Variants in SWT1 observed in about 807,000 individuals in gnomAD.
SWT1 encodes the protein transcriptional protein SWT1.
A neutral mutation model predicts 107.3 loss-of-function variants in SWT1; 33 were observed. That is an observed-to-expected ratio of 0.31 (90% CI 0.23 to 0.41). The LOEUF is 0.41. Ranked by LOEUF, SWT1 falls within the 10% of genes least tolerant of loss-of-function variation. The pLI is 1.00. For missense variants in SWT1, 898 were observed against 1,028.9 expected (o/e 0.87, Z 1.74); for synonymous variants, 345 against 348.3 (o/e 0.99, Z 0.11).
chr1:185,273,448 AT>A (rs1255392518), intron 17 of SWT1, among the ~76,000 whole-genome samples: 9 of 151,776 alleles, frequency 5.9e-5, no homozygotes, highest in African/African-American at 1.9e-4. Context: ...CATGCCTGTA[AT>A]CCCAGCACTT....
chr1:185,255,947 C>T (rs1323210954), intron 16 of SWT1, among the ~76,000 whole-genome samples: 5 of 151,774 alleles, frequency 3.3e-5, no homozygotes, highest in Admixed American at 3.3e-4. Context: ...TTTAGCGCTT[C>T]CTTCAGGAGC....
chr1:185,160,992 A>T (rs1654098010), intron 2 of SWT1, 67 bp downstream of exon 2: 6 of 1,099,594 alleles, frequency 5.5e-6, no homozygotes, highest in Non-Finnish European at 8.1e-6. Flanking sequence ...AAAAAAATAC[A>T]CCTTACTATT....
chr1:185,224,612 T>C (rs1360694254), intron 15 of SWT1, among the ~76,000 whole-genome samples: 1 of 152,232 alleles, frequency 6.6e-6, no homozygotes, highest in Non-Finnish European at 1.5e-5. Flanking sequence ...TACATGAACA[T>C]GAGATATCTT....
chr1:185,259,472 T>C (rs1041015140), intron 16 of SWT1, among the ~76,000 whole-genome samples: 1 of 152,168 alleles, frequency 6.6e-6, no homozygotes, highest in Non-Finnish European at 1.5e-5. Flanking sequence ...ACCAGTTTAC[T>C]GAGAACTTAG....
intron 16 of SWT1, among the ~76,000 whole-genome samples, chr1:185,261,678 T>C (rs992209814): frequency 2.0e-5 from 3 of 151,588 alleles, no homozygotes; most frequent in Non-Finnish European, 2.9e-5. Context: ...TTCTGCTTTT[T>C]TTTTTTTTTT....
chr1:185,221,131 T>C (rs1343610556), intron 14 of SWT1, among the ~76,000 whole-genome samples: 2 of 152,202 alleles, frequency 1.3e-5, no homozygotes, highest in Non-Finnish European at 2.9e-5. Flanking sequence ...TTTGTATCAT[T>C]CTTCTAACAC....
chr1:185,180,314 G>C lies in SWT1; in HGVS notation c.967-77G>C, dbSNP rs1289334239. On this transcript the variant is annotated intron_variant, in intron 5 of 18. Coordinates refer to ENST00000367500, the MANE Select transcript of SWT1 (RefSeq NM_017673.7). ...CTAAAGTGAATTATCTGACCCTGAA[G>C]GTTAATAGTGACAAGGTTGAAAAAC... 1.3e-5 allele frequency: 15 copies of C among 1,163,064 alleles called. No individual in the cohort carries two copies. The East Asian group carries it at 2.8e-4, about 22-fold the overall frequency. The allele number at this position is 1,163,064 out of a possible 1,614,324, so 72.0% of individuals were successfully genotyped here.
chr1:185,162,516 A>G (rs1207024823), intron 2 of SWT1, among the ~76,000 whole-genome samples: 1 of 151,994 alleles, frequency 6.6e-6, no homozygotes, highest in Admixed American at 6.6e-5. Context: ...TAAAACTGTA[A>G]TCTTTCAGGT....
chr1:185,231,397 A>G (rs1660495160), intron 15 of SWT1, among the ~76,000 whole-genome samples, 180 bp from the exon 16 acceptor site: 1 of 152,206 alleles, frequency 6.6e-6, no homozygotes, highest in Admixed American at 6.5e-5. Flanking sequence ...GATCCTTTAC[A>G]TGAATCTTAT....
At position 185,290,717 on chromosome 1, in the gene SWT1, T is replaced by G; in HGVS notation, c.2617T>G (p.Tyr873Asp). The G allele has an allele frequency of 6.2e-7, 1 of 1,604,728 alleles. No homozygotes were observed. The highest frequency in any genetic ancestry group is 8.5e-7 in the Non-Finnish European group (1 of 1,174,206). ...IGCRQLVEME[Y>D]TMQQCNASVY... ...ATGCCGCCAGCTGGTTGAGATGGAA[T>G]ATACCATGCAGCAGTGCAATGCATC... The change falls in exon 19 of 19, where the codon TAT becomes GAT. Residue 873 changes from tyrosine to aspartate, a missense_variant. Physicochemically the swap from Tyr to Asp is radical, Grantham distance 160 (BLOSUM62 -3). Transcript: ENST00000367500.
chr1:185,207,867 C>T (rs1368630832), intron 13 of SWT1, among the ~76,000 whole-genome samples: 1 of 152,180 alleles, frequency 6.6e-6, no homozygotes, highest in African/African-American at 2.4e-5. Flanking sequence ...TGCCACTGCA[C>T]TCCGGCCTGG....
intron 15 of SWT1, among the ~76,000 whole-genome samples, chr1:185,225,029 T>G (rs183583717): frequency 7.9e-5 from 12 of 152,204 alleles, no homozygotes; most frequent in African/African-American, 2.9e-4. Context: ...TTCTTGTTCC[T>G]TCAGTATGAT....
At chr1:185,234,659 T>A (rs1660736115) in intron 16 of SWT1, among the ~76,000 whole-genome samples, 1 of 152,184 alleles carries the variant, frequency 6.6e-6, no homozygotes, top group Non-Finnish European at 1.5e-5. Flanking sequence ...CATTATGATG[T>A]TAGCTGGTTT....
In SWT1 at chr1:185,182,077, G is replaced by A. The variant is rs756301125; in HGVS notation, c.1138+20G>A. 1.2e-6 allele frequency: 2 copies of A among 1,612,356 alleles called. No individual in the cohort carries two copies. The highest frequency in any genetic ancestry group is 2.2e-5 in the East Asian group (1 of 44,808). On this transcript the variant is annotated intron_variant, in intron 7 of 18. Coordinates refer to ENST00000367500, the MANE Select transcript of SWT1 (RefSeq NM_017673.7). ...CCTCTGGTATACCCTATATGTTGATGTGTATGCTCCCCTATGCTTTCCTAA... is the reference window on the plus strand; with the variant it reads ...CCTCTGGTATACCCTATATGTTGATATGTATGCTCCCCTATGCTTTCCTAA...
rs996521221 is a variant in SWT1, at chr1:185,221,758, G to A, written c.2122-91G>A. The A allele has an allele frequency of 2.4e-5, 20 of 842,162 alleles. 1 individual carries two copies. Among genetic ancestry groups the A allele is most frequent in the Non-Finnish European group, 3.3e-5 (19 of 568,508 alleles). 52.2% of individuals were successfully genotyped at this position (842,162 alleles called of 1,614,324 possible). A position where few individuals can be genotyped will look rare whatever the true frequency, so the allele number is the denominator to read the frequency against. ...AAGAATTGCCACCACTTCTCAGAAAGCTAGAACATTTGTAAGCACAGTTGC... is the reference window on the plus strand; with the variant it reads ...AAGAATTGCCACCACTTCTCAGAAAACTAGAACATTTGTAAGCACAGTTGC... On this transcript the variant is annotated intron_variant, in intron 14 of 18. Transcript: ENST00000367500.
At chr1:185,276,230 G>T (rs118046060) in intron 17 of SWT1, among the ~76,000 whole-genome samples, 2 of 152,070 alleles carry the variant, frequency 1.3e-5, no homozygotes, top group East Asian at 3.9e-4. Context: ...TAAACATGTA[G>T]ACCTCAATAA....
chr1:185,248,103 C>T (rs1404987325), intron 16 of SWT1, among the ~76,000 whole-genome samples: 1 of 152,156 alleles, frequency 6.6e-6, no homozygotes, highest in African/African-American at 2.4e-5. Flanking sequence ...CTTCAGATTG[C>T]TTGGAAGCAG....
At chr1:185,194,172 C>G (rs578119206) in intron 10 of SWT1, among the ~76,000 whole-genome samples, 4 of 152,144 alleles carry the variant, frequency 2.6e-5, no homozygotes, top group African/African-American at 7.2e-5. Context: ...AGCCCCTCTA[C>G]GCCTGTATAT....
rs921538763 is a variant in SWT1, at chr1:185,220,937, C to T, written c.2122-912C>T. On this transcript the variant is annotated intron_variant, in intron 14 of 18. Coordinates refer to ENST00000367500, the MANE Select transcript of SWT1 (RefSeq NM_017673.7). ...TCAATTCCTGTATATGTATGTGAGA[C>T]GTATTGCTTCCGAGTATTTGTTTGA... Among the ~76,000 whole-genome samples, 15 of 152,142 alleles carry T rather than the reference C, an allele frequency of 9.9e-5. 1 individual carries two copies. The highest frequency in any genetic ancestry group is 9.2e-4 in the Admixed American group (14 of 15,270).
Sources: allele counts gnomAD v4.1 joint callset (sites outside exome capture counted in the v4.1 genomes callset), GRCh38; gene constraint gnomAD v4.1.1; transcripts MANE v1.5; gene names NCBI Gene and HGNC (gene_info 2026-07-23, HGNC 2026-07-21).